Variants in RANBP2 observed in about 807,000 individuals in gnomAD.
RANBP2 encodes RAN binding protein 2, also known as E3 SUMO-protein ligase RanBP2.
Under a neutral mutation model 303.6 loss-of-function variants are expected in RANBP2, and 57 were observed. The ratio of observed to expected loss-of-function variants is 0.19; its 90% confidence interval spans 0.15 to 0.23. The LOEUF (loss-of-function observed/expected upper bound fraction) is 0.23, where lower values mean the gene tolerates loss of function less well. Ranked by LOEUF, RANBP2 falls within the 10% of genes least tolerant of loss-of-function variation. RANBP2 has a pLI of 1.00. For missense variants in RANBP2, 3,138 were observed against 3,780.8 expected (o/e 0.83, Z 4.46); for synonymous variants, 1,167 against 1,301.5 (o/e 0.90, Z 2.23).
the RANBP2 span, chr2:109,128,217 T>A: frequency 2.0e-5 from 3 of 152,248 alleles, no homozygotes; most frequent in African/African-American, 4.8e-5. Flanking sequence ...ACTTCCCTGC[T>A]GCTCTCGGTC....
At chr2:109,520,618 A>G in the RANBP2 span, among the ~76,000 whole-genome samples, 66 of 92,598 alleles carry the variant, frequency 7.1e-4, 6 homozygotes, top group Non-Finnish European at 1.3e-3. Flanking sequence ...AAAAAAAAAA[A>G]AAAAAAGAAA....
At chr2:109,644,794 C>T in the RANBP2 span, among the ~76,000 whole-genome samples, 2 of 152,188 alleles carry the variant, frequency 1.3e-5, no homozygotes. Flanking sequence ...AAACCTGGAC[C>T]TTGTTTTCTG....
At chr2:109,364,723 T>C in the RANBP2 span, among the ~76,000 whole-genome samples, 1 of 152,170 alleles carries the variant, frequency 6.6e-6, no homozygotes, top group Non-Finnish European at 1.5e-5. Context: ...CACTCCTCTG[T>C]AGGTGAAACA....
At chr2:109,168,703 G>A in the RANBP2 span, among the ~76,000 whole-genome samples, 2 of 152,148 alleles carry the variant, frequency 1.3e-5, no homozygotes, top group African/African-American at 4.8e-5. Context: ...TGGGTCTGTT[G>A]TGATGCCTTC....
chr2:109,253,343 C>T, the RANBP2 span, among the ~76,000 whole-genome samples: 1 of 152,124 alleles, frequency 6.6e-6, no homozygotes, highest in Non-Finnish European at 1.5e-5. Context: ...GATTAAGGTG[C>T]TTTGATTAGT....
At chr2:109,286,729 C>T in the RANBP2 span, among the ~76,000 whole-genome samples, 1 of 152,192 alleles carries the variant, frequency 6.6e-6, no homozygotes, top group Admixed American at 6.5e-5. Context: ...TTCCCAGTAC[C>T]TTTGGGAGTG....
At chr2:109,474,300 TAG>T in the RANBP2 span, among the ~76,000 whole-genome samples, 40 of 151,558 alleles carry the variant, frequency 2.6e-4, 1 homozygote, top group Non-Finnish European at 4.6e-4. Context: ...GCCGGACAGT[TAG>T]TTATGTGTCA....
At chr2:109,402,646 G>A in the RANBP2 span, among the ~76,000 whole-genome samples, 14 of 152,206 alleles carry the variant, frequency 9.2e-5, no homozygotes, top group Non-Finnish European at 1.6e-4. Context: ...TTCAGGCTGT[G>A]ATAAAGAACA....
At chr2:109,475,036 G>A in the RANBP2 span, among the ~76,000 whole-genome samples, 21 of 152,256 alleles carry the variant, frequency 1.4e-4, 1 homozygote, top group Admixed American at 1.0e-3. Flanking sequence ...GGAGTGCAGT[G>A]GTGCGATCTC....
At chr2:109,594,293 G>T in the RANBP2 span, among the ~76,000 whole-genome samples, 1 of 152,018 alleles carries the variant, frequency 6.6e-6, no homozygotes, top group Non-Finnish European at 1.5e-5. Flanking sequence ...TGCAAATGGT[G>T]TCAATGAGAA....
chr2:109,015,118 C>CAAAAAAAAAAAAAAAAAAAAAAAAAAA, the RANBP2 span, among the ~76,000 whole-genome samples: 1 of 68,810 alleles, frequency 1.5e-5, no homozygotes, highest in African/African-American at 5.9e-5. Flanking sequence ...GACTCCATCT[C>CAAAAAAAAAAAAAAAAAAAAAAAAAAA]AAAAAAAAAA....
intron 23 of RANBP2, among the ~76,000 whole-genome samples, chr2:108,774,872 A>G (rs909665119): frequency 1.3e-4 from 20 of 152,048 alleles, no homozygotes; most frequent in Admixed American, 2.6e-4. Context: ...TTGTATTTTT[A>G]GTAGAGACGG....
chr2:109,777,362 AC>A, the RANBP2 span, among the ~76,000 whole-genome samples: 1 of 146,630 alleles, frequency 6.8e-6, no homozygotes, highest in African/African-American at 2.5e-5. Context: ...CTATTAATAT[AC>A]TTTTATATAC....
At chr2:109,247,784 T>C in the RANBP2 span, among the ~76,000 whole-genome samples, 1 of 152,214 alleles carries the variant, frequency 6.6e-6, no homozygotes, top group Non-Finnish European at 1.5e-5. Flanking sequence ...CCTTTTTATT[T>C]AACTCACTGT....
the RANBP2 span, among the ~76,000 whole-genome samples, chr2:109,474,234 G>A: frequency 1.3e-5 from 2 of 152,158 alleles, no homozygotes; most frequent in African/African-American, 4.8e-5. Flanking sequence ...GGTGGGTGTG[G>A]GCACATTTGT....
chr2:109,396,895 C>T, the RANBP2 span, among the ~76,000 whole-genome samples: 1 of 152,268 alleles, frequency 6.6e-6, no homozygotes, highest in African/African-American at 2.4e-5. Context: ...TTCCCACCTT[C>T]GTGGATCTCA....
the RANBP2 span, among the ~76,000 whole-genome samples, chr2:109,709,080 A>G: frequency 1.3e-5 from 2 of 151,936 alleles, no homozygotes; most frequent in Non-Finnish European, 2.9e-5. Context: ...AGGTGGGTGG[A>G]TCACCTGAGG....
the RANBP2 span, among the ~76,000 whole-genome samples, chr2:108,986,866 A>C: frequency 3.9e-5 from 6 of 152,226 alleles, no homozygotes; most frequent in African/African-American, 1.4e-4. Flanking sequence ...CTCACAGGAA[A>C]GGCTGGCTGG....
At chr2:109,524,494 C>T in the RANBP2 span, among the ~76,000 whole-genome samples, 3 of 148,740 alleles carry the variant, frequency 2.0e-5, no homozygotes, top group South Asian at 4.2e-4. Context: ...CGATGGCTCA[C>T]GCCTGTAATC....
Sources: gnomAD v4.1 joint callset for allele counts (sites outside exome capture counted in the v4.1 genomes callset) on GRCh38, gnomAD v4.1.1 for gene constraint, MANE v1.5 for transcripts, NCBI Gene and HGNC (gene_info 2026-07-23, HGNC 2026-07-21) for gene names.